The following TMEM117 variants were observed in gnomAD, a reference collection of about 807,000 sequenced individuals.
The protein encoded by TMEM117 is transmembrane protein 117.
Under a neutral mutation model 52.4 loss-of-function variants are expected in TMEM117, and 27 were observed. The observed-to-expected ratio is 0.51, with a 90% confidence interval of 0.38 to 0.71. TMEM117 has a LOEUF of 0.71. TMEM117 is among the 30% of genes least tolerant of loss of function. The pLI, the probability that TMEM117 is intolerant of heterozygous loss-of-function variation, is 0.00. For missense variants in TMEM117, 556 were observed against 630.5 expected (o/e 0.88, Z 1.26); for synonymous variants, 215 against 206.3 (o/e 1.04, Z -0.36).
chr12:44,359,511 T>C (rs1157425886), intron 6 of TMEM117, among the ~76,000 whole-genome samples: 1 of 152,102 alleles, frequency 6.6e-6, no homozygotes, highest in East Asian at 1.9e-4. Flanking sequence ...TGCATACTTA[T>C]AATTCTGAGT....
chr12:43,862,097 T>G (rs1943499581), intron 2 of TMEM117, among the ~76,000 whole-genome samples: 1 of 152,232 alleles, frequency 6.6e-6, no homozygotes, highest in Non-Finnish European at 1.5e-5. Context: ...TGCTTGAGTC[T>G]GCCAGAGTGA....
In TMEM117 at chr12:44,145,157, A is replaced by G. The variant is rs1275905498; in HGVS notation, c.510+1533A>G. Among the ~76,000 whole-genome samples, 3 of 152,232 alleles carry G rather than the reference A, an allele frequency of 2.0e-5. No homozygotes were observed. In the East Asian group the frequency reaches 5.8e-4, roughly 29 times the overall value. On this transcript the variant is annotated intron_variant, in intron 4 of 7. Transcript: ENST00000266534. ...GGGCGACAGAGCGAGACTCCGTCTC[A>G]AAAAGAAAATAAAAAAGAAAAATTT...
intron 5 of TMEM117, among the ~76,000 whole-genome samples, chr12:44,236,423 GT>G (rs1380919921): frequency 1.3e-5 from 2 of 151,912 alleles, no homozygotes; most frequent in Non-Finnish European, 2.9e-5. Flanking sequence ...TTCAGCCATT[GT>G]TTTTTACTTC....
intron 3 of TMEM117, among the ~76,000 whole-genome samples, chr12:44,029,046 G>T (rs1253121074): frequency 6.6e-6 from 1 of 152,088 alleles, no homozygotes; most frequent in East Asian, 1.9e-4. Flanking sequence ...GATGACTTTG[G>T]GTATATGCAT....
At chr12:44,100,502 T>C (rs1424762484) in intron 3 of TMEM117, among the ~76,000 whole-genome samples, 2 of 151,992 alleles carry the variant, frequency 1.3e-5, no homozygotes, top group Non-Finnish European at 2.9e-5. Flanking sequence ...GTTCATTCTA[T>C]TTTTAGCTAA....
intron 4 of TMEM117, among the ~76,000 whole-genome samples, chr12:44,203,233 C>G (rs1421590439): frequency 6.6e-6 from 1 of 152,104 alleles, no homozygotes; most frequent in Admixed American, 6.6e-5. Context: ...TCAAGTGTTT[C>G]TAATTTTTAT....
chr12:44,332,771 A>G (rs968945178), intron 6 of TMEM117, among the ~76,000 whole-genome samples: 3 of 151,410 alleles, frequency 2.0e-5, no homozygotes, highest in African/African-American at 7.3e-5. Context: ...CCCTACACTT[A>G]GAGAAATTCT....
chr12:44,391,293 A>T (rs1010496998), downstream of TMEM117, among the ~76,000 whole-genome samples: 1 of 152,044 alleles, frequency 6.6e-6, no homozygotes, highest in Non-Finnish European at 1.5e-5. Context: ...TCTCATCACC[A>T]CATGTCTATT....
chr12:44,197,624 C>T (rs1456015229), intron 4 of TMEM117, among the ~76,000 whole-genome samples: 3 of 152,028 alleles, frequency 2.0e-5, no homozygotes, highest in African/African-American at 7.2e-5. Context: ...GCAAATCGTA[C>T]TGGGGCACAT....
rs116505122 is a variant in TMEM117, at chr12:43,895,405, G to A, written c.278-48805G>A. 7.7e-3 allele frequency among the ~76,000 whole-genome samples: 1,172 copies of A among 152,162 alleles called. 12 individuals carry two copies. The highest frequency in any genetic ancestry group is 0.025 in the African/African-American group (1,058 of 41,514). ...TCTTTATCCAGTCTATCACTGACGC[G>A]CATTTAGGTTGATTCTGTGGCTTTG... On this transcript the variant is annotated intron_variant, in intron 2 of 7. Transcript: ENST00000266534.
intron 2 of TMEM117, among the ~76,000 whole-genome samples, chr12:43,891,093 A>T (rs1421985344): frequency 6.6e-6 from 1 of 152,148 alleles, no homozygotes; most frequent in Non-Finnish European, 1.5e-5. Flanking sequence ...GACAGATATG[A>T]TACAATCATC....
At chr12:44,055,959 A>T (rs1431303950) in intron 3 of TMEM117, among the ~76,000 whole-genome samples, 1 of 152,200 alleles carries the variant, frequency 6.6e-6, no homozygotes, top group Non-Finnish European at 1.5e-5. Context: ...TTAAACACTC[A>T]GCATAATTGT....
chr12:43,904,571 G>T (rs1460355438), intron 2 of TMEM117, among the ~76,000 whole-genome samples: 1 of 151,978 alleles, frequency 6.6e-6, no homozygotes, highest in Admixed American at 6.5e-5. Context: ...CTACCACCAA[G>T]AGTGCTTGAG....
Position 43,870,855 on chromosome 12 carries a change from G to T in TMEM117, c.277+25927G>T, listed in dbSNP as rs184005603. 3.9e-5 allele frequency among the ~76,000 whole-genome samples: 6 copies of T among 152,064 alleles called. No individual in the cohort carries two copies. The East Asian group carries it at 1.2e-3, about 29-fold the overall frequency. On this transcript the variant is annotated intron_variant, in intron 2 of 7. Coordinates refer to ENST00000266534, the MANE Select transcript of TMEM117 (RefSeq NM_032256.3). ...GCTGGAGTGCAATGGTGCTATCCCC[G>T]CTCACTGCAACCTCTGCCTCCTGGG...
chr12:44,167,756 A>C (rs1332772628), intron 4 of TMEM117, among the ~76,000 whole-genome samples: 1 of 152,130 alleles, frequency 6.6e-6, no homozygotes, highest in Admixed American at 6.5e-5. Flanking sequence ...AGCTTTGTTG[A>C]GTCTTAGTTT....
intron 6 of TMEM117, among the ~76,000 whole-genome samples, chr12:44,354,323 C>T (rs1002214114): frequency 2.6e-5 from 4 of 151,874 alleles, no homozygotes; most frequent in African/African-American, 7.3e-5. Flanking sequence ...GAACTTCCGG[C>T]CAGCATCATC....
intron 3 of TMEM117, among the ~76,000 whole-genome samples, chr12:44,048,937 A>G (rs1335273637): frequency 6.6e-6 from 1 of 152,252 alleles, no homozygotes; most frequent in African/African-American, 2.4e-5. Context: ...TTATATAACT[A>G]TAATTCTCAC....
intron 3 of TMEM117, among the ~76,000 whole-genome samples, chr12:44,006,296 T>G (rs1946194695): frequency 6.6e-6 from 1 of 152,234 alleles, no homozygotes; most frequent in Non-Finnish European, 1.5e-5. Context: ...AGATATGAAG[T>G]GCTTGCAAGG....
intron 5 of TMEM117, among the ~76,000 whole-genome samples, chr12:44,298,049 T>TTTTTTTTTTTTTTTTTTGAG (rs1565686051): frequency 5.6e-4 from 84 of 151,068 alleles, no homozygotes; most frequent in African/African-American, 2.0e-3. Flanking sequence ...GTTTATTTTC[T>TTTTTTTTTTTTTTTTTTGAG]AAAATTTTAA....
Sources: gnomAD v4.1 joint callset for allele counts (sites outside exome capture counted in the v4.1 genomes callset) on GRCh38, gnomAD v4.1.1 for gene constraint, MANE v1.5 for transcripts, NCBI Gene and HGNC (gene_info 2026-07-23, HGNC 2026-07-21) for gene names.